The following RIN2 variants were observed in gnomAD, a reference collection of about 807,000 sequenced individuals.
RIN2 encodes Ras and Rab interactor 2.
RIN2 carries 36 observed loss-of-function variants against 78.0 expected under a neutral mutation model. That is an observed-to-expected ratio of 0.46 (90% CI 0.35 to 0.61). The LOEUF is 0.61. Ranked by LOEUF, RIN2 falls within the 20% of genes least tolerant of loss-of-function variation. RIN2 has a pLI of 0.00. For missense variants in RIN2, 1,087 were observed against 1,159.7 expected (o/e 0.94, Z 0.91); for synonymous variants, 466 against 466.8 (o/e 1.00, Z 0.02).
At chr20:19,918,333 G>A (rs559012042) in intron 3 of RIN2, among the ~76,000 whole-genome samples, 38 of 150,598 alleles carry the variant, frequency 2.5e-4, no homozygotes, top group African/African-American at 3.2e-4. Context: ...ACGAAAAAAC[G>A]TGACTCTCAT....
intron 2 of RIN2, among the ~76,000 whole-genome samples, chr20:19,817,075 A>G (rs76361665): frequency 0.019 from 2,934 of 152,318 alleles, 81 homozygotes; most frequent in East Asian, 0.098. Flanking sequence ...TGGAGGTGGT[A>G]GAGTTCAATC....
At chr20:19,939,669 C>A (rs2040783921) in intron 4 of RIN2, among the ~76,000 whole-genome samples, 1 of 152,180 alleles carries the variant, frequency 6.6e-6, no homozygotes, top group Non-Finnish European at 1.5e-5. Context: ...GACTTCCTTG[C>A]CAATGTGGCC....
intron 3 of RIN2, among the ~76,000 whole-genome samples, chr20:19,905,226 C>G (rs1246493403): frequency 6.6e-6 from 1 of 152,186 alleles, no homozygotes; most frequent in African/African-American, 2.4e-5. Context: ...CACACCTTCC[C>G]CACTTGGAAG....
At chr20:19,936,555 G>A (rs561736541) in intron 4 of RIN2, among the ~76,000 whole-genome samples, 3 of 152,164 alleles carry the variant, frequency 2.0e-5, no homozygotes, top group Non-Finnish European at 2.9e-5. Context: ...AAGCTCCACA[G>A]ATGACAGACA....
At chr20:19,878,454 C>A (rs775288210) in intron 2 of RIN2, among the ~76,000 whole-genome samples, 9 of 152,192 alleles carry the variant, frequency 5.9e-5, no homozygotes, top group Non-Finnish European at 1.2e-4. Flanking sequence ...AGGGTCACCC[C>A]ATGTCCCCAT....
At chr20:19,853,706 C>A (rs1339454679) in intron 2 of RIN2, among the ~76,000 whole-genome samples, 1 of 152,190 alleles carries the variant, frequency 6.6e-6, no homozygotes, top group Non-Finnish European at 1.5e-5. Flanking sequence ...TGTTCATATC[C>A]TTTGCCCACT....
chr20:19,825,119 T>C (rs1483105089), intron 2 of RIN2, among the ~76,000 whole-genome samples: 1 of 152,256 alleles, frequency 6.6e-6, no homozygotes, highest in Non-Finnish European at 1.5e-5. Flanking sequence ...AGACTTTCCC[T>C]GCAACCACTG....
At chr20:19,945,316 AT>A (rs147044507) in intron 4 of RIN2, among the ~76,000 whole-genome samples, 4,894 of 152,158 alleles carry the variant, frequency 0.032, 120 homozygotes, top group Non-Finnish European at 0.044. Context: ...TAGCATTGTG[AT>A]TTCAGTGCAC....
At chr20:19,900,123 GT>G (rs562278509) in intron 3 of RIN2, among the ~76,000 whole-genome samples, 5 of 152,154 alleles carry the variant, frequency 3.3e-5, no homozygotes, top group Non-Finnish European at 7.4e-5. Context: ...ATGAATGTGG[GT>G]TTTTTGGTTT....
At position 19,975,672 on chromosome 20, in the gene RIN2, C is replaced by T. The variant is rs755409478; in HGVS notation, c.1647C>T (p.Ser549=). Residue 549 remains serine, a synonymous_variant, in exon 9 of 13, where the codon TCC becomes TCT. Transcript: ENST00000255006. The surrounding 1 kb of genome is among the most constrained non-coding windows in gnomAD (Gnocchi z 4.9). The part of the protein sequence containing the change: ...FLQENKECHV[S]STDMLQTIRQ... Reference sequence around the variant, plus strand: ...AGGAGAACAAGGAGTGCCACGTGTCCAGCACCGACATGCTGCAGACCATCC... The same window carrying T: ...AGGAGAACAAGGAGTGCCACGTGTCTAGCACCGACATGCTGCAGACCATCC... 2 of 1,613,686 alleles carry T rather than the reference C, an allele frequency of 1.2e-6. No individual in the cohort carries two copies. The highest frequency in any genetic ancestry group is 1.7e-5 in the Admixed American group (1 of 60,022).
At chr20:19,972,717 C>T (rs2042146063) in intron 8 of RIN2, among the ~76,000 whole-genome samples, 1 of 152,154 alleles carries the variant, frequency 6.6e-6, no homozygotes, top group Non-Finnish European at 1.5e-5. Flanking sequence ...GATAGATATA[C>T]ACGTGAACTA....
At chr20:19,943,309 T>A (rs1372802234) in intron 4 of RIN2, among the ~76,000 whole-genome samples, 6 of 152,164 alleles carry the variant, frequency 3.9e-5, no homozygotes, top group Non-Finnish European at 7.3e-5. Context: ...TTTTCTTACC[T>A]CCCGAAATGG....
At chr20:19,786,455 T>C (rs560345452) in intron 1 of RIN2, among the ~76,000 whole-genome samples, 1 of 152,116 alleles carries the variant, frequency 6.6e-6, no homozygotes, top group African/African-American at 2.4e-5. Flanking sequence ...TCTCCAGCTG[T>C]TCCAGCCATA....
At chr20:19,847,838 A>G (rs1473669762) in intron 2 of RIN2, among the ~76,000 whole-genome samples, 1 of 152,182 alleles carries the variant, frequency 6.6e-6, no homozygotes, top group Non-Finnish European at 1.5e-5. Flanking sequence ...TCTACTGATC[A>G]GTTCTGCTCT....
At chr20:19,759,132 G>A (rs1199829437) in intron 1 of RIN2, among the ~76,000 whole-genome samples, 1 of 152,224 alleles carries the variant, frequency 6.6e-6, no homozygotes, top group Non-Finnish European at 1.5e-5. Context: ...ACCGCGCGGG[G>A]ACAGCAGGAT....
At chr20:19,833,768 C>T (rs1165481337) in intron 2 of RIN2, among the ~76,000 whole-genome samples, 1 of 152,166 alleles carries the variant, frequency 6.6e-6, no homozygotes, top group Non-Finnish European at 1.5e-5. Context: ...AGATTCTCCC[C>T]TATGAGATGC....
chr20:19,813,415 A>C (rs1019841769), intron 2 of RIN2, among the ~76,000 whole-genome samples: 2 of 152,216 alleles, frequency 1.3e-5, no homozygotes, highest in Admixed American at 1.3e-4. Flanking sequence ...TCATTCTTTC[A>C]TGGACACCGA....
chr20:19,994,185 A>C (rs1421244168), intron 11 of RIN2, among the ~76,000 whole-genome samples: 1 of 152,220 alleles, frequency 6.6e-6, no homozygotes, highest in African/African-American at 2.4e-5. Flanking sequence ...GCTTCCACTT[A>C]ACCGTGTCTG....
chr20:19,810,502 C>T (rs1196186248), intron 2 of RIN2, among the ~76,000 whole-genome samples: 1 of 152,024 alleles, frequency 6.6e-6, no homozygotes, highest in Non-Finnish European at 1.5e-5. Flanking sequence ...GTCCAGAGCA[C>T]CTACCGATTT....
Sources: allele counts gnomAD v4.1 joint callset (sites outside exome capture counted in the v4.1 genomes callset), GRCh38; gene constraint gnomAD v4.1.1; non-coding constraint Gnocchi (gnomAD v3.1); transcripts MANE v1.5; gene names NCBI Gene and HGNC (gene_info 2026-07-23, HGNC 2026-07-21).